The following OR1J2 variants were observed in gnomAD, a reference collection of about 807,000 sequenced individuals.
OR1J2 encodes olfactory receptor family 1 subfamily J member 2, also known as olfactory receptor 1J2.
For missense variants in OR1J2, 304 were observed against 246.1 expected (o/e 1.24, Z -1.57); for synonymous variants, 142 against 99.7 (o/e 1.42, Z -2.52).
chr9:122,502,055 A>C, the OR1J2 span, among the ~76,000 whole-genome samples: 9 of 152,252 alleles, frequency 5.9e-5, no homozygotes, highest in Admixed American at 5.9e-4. Context: ...GGATAGACAG[A>C]ACAAATTCTC....
At chr9:122,572,795 T>C in the OR1J2 span, 2 of 152,196 alleles carry the variant, frequency 1.3e-5, no homozygotes, top group African/African-American at 4.8e-5. Flanking sequence ...TATCCAGCGT[T>C]TTTCCTTTGC....
chr9:122,468,354 C>T, the OR1J2 span, among the ~76,000 whole-genome samples: 3 of 152,204 alleles, frequency 2.0e-5, 1 homozygote, highest in South Asian at 6.2e-4. Context: ...CTTGGACTCA[C>T]TGGCTACTTT....
At chr9:122,472,191 T>A in the OR1J2 span, among the ~76,000 whole-genome samples, 2 of 152,152 alleles carry the variant, frequency 1.3e-5, no homozygotes, top group African/African-American at 4.8e-5. Context: ...ATCTGTATGT[T>A]CTCCCCCTGG....
chr9:122,528,751 G>T, the OR1J2 span, among the ~76,000 whole-genome samples: 2 of 152,242 alleles, frequency 1.3e-5, no homozygotes, highest in African/African-American at 4.8e-5. Flanking sequence ...AGAAAATTTT[G>T]CTTAGTCCAA....
At chr9:122,573,856 CTA>C in the OR1J2 span, among the ~76,000 whole-genome samples, 3 of 152,148 alleles carry the variant, frequency 2.0e-5, no homozygotes, top group Admixed American at 1.3e-4. Flanking sequence ...ATGTTATCCT[CTA>C]TGAGTTTCAC....
the OR1J2 span, among the ~76,000 whole-genome samples, chr9:122,453,373 C>T: frequency 6.6e-6 from 1 of 152,184 alleles, no homozygotes; most frequent in Admixed American, 6.5e-5. Context: ...AGACCACAAG[C>T]ATGAGTCTCC....
the OR1J2 span, among the ~76,000 whole-genome samples, chr9:122,485,444 C>T: frequency 6.6e-6 from 1 of 152,162 alleles, no homozygotes; most frequent in South Asian, 2.1e-4. Context: ...AAGTTTCTCA[C>T]CATTCTTCAG....
At chr9:122,457,366 TTAAAA>T in the OR1J2 span, among the ~76,000 whole-genome samples, 1 of 151,898 alleles carries the variant, frequency 6.6e-6, no homozygotes, top group Admixed American at 6.6e-5. Flanking sequence ...ATCCTGGAAC[TTAAAA>T]TAAGACAAAA....
chr9:122,541,133 C>T, the OR1J2 span, among the ~76,000 whole-genome samples: 9 of 152,188 alleles, frequency 5.9e-5, no homozygotes, highest in Non-Finnish European at 1.2e-4. Context: ...TACTCTGTCT[C>T]CCCTATTACA....
At chr9:122,477,889 A>G in the OR1J2 span, 1 of 1,611,052 alleles carries the variant, frequency 6.2e-7, no homozygotes, top group South Asian at 1.1e-5. Context: ...GCCCAGGAGG[A>G]GGAACTCGGA....
the OR1J2 span, chr9:122,567,839 G>A: frequency 6.2e-7 from 1 of 1,614,076 alleles, no homozygotes; most frequent in Non-Finnish European, 8.5e-7. Flanking sequence ...AAGCAATGCA[G>A]AGAAAACGAG....
the OR1J2 span, among the ~76,000 whole-genome samples, chr9:122,532,543 A>G: frequency 1.3e-5 from 2 of 149,016 alleles, no homozygotes; most frequent in South Asian, 2.2e-4. Context: ...GCCAGGAACA[A>G]TGGTAATTGT....
At chr9:122,579,423 C>T in the OR1J2 span, among the ~76,000 whole-genome samples, 7 of 152,074 alleles carry the variant, frequency 4.6e-5, no homozygotes, top group East Asian at 1.9e-4. Context: ...GAGATAAAGT[C>T]GCTCTTTCTC....
chr9:122,472,167 G>A, the OR1J2 span, among the ~76,000 whole-genome samples: 6 of 152,106 alleles, frequency 3.9e-5, no homozygotes, highest in African/African-American at 1.2e-4. Context: ...GGATACAAAT[G>A]TGTGTTAGTC....
the OR1J2 span, among the ~76,000 whole-genome samples, chr9:122,469,658 G>A: frequency 6.6e-6 from 1 of 152,200 alleles, no homozygotes; most frequent in Non-Finnish European, 1.5e-5. Context: ...CTCAGAAGAA[G>A]ACAGGAAAAT....
At chr9:122,468,294 T>G in the OR1J2 span, among the ~76,000 whole-genome samples, 1 of 152,216 alleles carries the variant, frequency 6.6e-6, no homozygotes, top group African/African-American at 2.4e-5. Context: ...ATTCAAGGCA[T>G]TTTACAATTT....
At chr9:122,513,826 G>A (rs10985663), downstream of OR1J2, among the ~76,000 whole-genome samples, 86,221 of 151,848 alleles carry the variant, frequency 0.57, 26,177 homozygotes, top group East Asian at 0.87. Context: ...AGGGCAAGCC[G>A]CAGACACTAA....
the OR1J2 span, among the ~76,000 whole-genome samples, chr9:122,502,236 C>A: frequency 6.6e-6 from 1 of 152,168 alleles, no homozygotes; most frequent in Non-Finnish European, 1.5e-5. Flanking sequence ...ACATTCACGT[C>A]CTTCATTGTT....
At chr9:122,469,130 C>G in the OR1J2 span, among the ~76,000 whole-genome samples, 19 of 152,178 alleles carry the variant, frequency 1.2e-4, no homozygotes, top group African/African-American at 4.1e-4. Context: ...ATCTGTTTGC[C>G]CTCGCTTGAG....
Sources: allele counts gnomAD v4.1 joint callset (sites outside exome capture counted in the v4.1 genomes callset), GRCh38; gene constraint gnomAD v4.1.1; transcripts MANE v1.5; gene names NCBI Gene and HGNC (gene_info 2026-07-23, HGNC 2026-07-21).